FNDC3B: variants seen among roughly 807,000 people sequenced by gnomAD.
FNDC3B encodes the protein fibronectin type III domain containing 3B.
In FNDC3B, 12 loss-of-function variants were observed where a neutral mutation model predicts 151.5. The observed-to-expected ratio is 0.08, with a 90% CI of 0.05 to 0.13. The LOEUF (loss-of-function observed/expected upper bound fraction) is 0.13, where lower values mean the gene tolerates loss of function less well. FNDC3B is among the 10% of genes least tolerant of loss of function. The pLI, the probability that FNDC3B is intolerant of heterozygous loss-of-function variation, is 1.00. For synonymous variants in FNDC3B, 528 were observed against 549.0 expected (o/e 0.96, Z 0.54); for missense variants, 1,214 against 1,505.3 (o/e 0.81, Z 3.20).
intron 1 of FNDC3B, among the ~76,000 whole-genome samples, chr3:172,081,425 G>GT (rs1195162332): frequency 6.6e-6 from 1 of 151,728 alleles, no homozygotes; most frequent in African/African-American, 2.4e-5. Context: ...CTAATATTGT[G>GT]ATTTTCCATA....
At chr3:172,087,862 G>A (rs886721212) in intron 1 of FNDC3B, among the ~76,000 whole-genome samples, 3 of 152,118 alleles carry the variant, frequency 2.0e-5, no homozygotes, top group African/African-American at 7.2e-5. Flanking sequence ...GAATTTGAGA[G>A]CCCTAGCTCT....
chr3:172,244,643 G>A (rs532062389), intron 4 of FNDC3B, among the ~76,000 whole-genome samples: 66 of 21,630 alleles, frequency 3.1e-3, no homozygotes, highest in African/African-American at 1.0e-2. Flanking sequence ...TTTTTTTTTT[G>A]AGTCGGCGTC....
At chr3:172,225,781 C>T in intron 3 of FNDC3B, 1 of 185,702 alleles carries the variant, frequency 5.4e-6, no homozygotes, top group Non-Finnish European at 1.2e-5. Flanking sequence ...CTTCTTTATT[C>T]TGGATCTTGG....
chr3:172,250,127 G>A (rs1170060271), intron 5 of FNDC3B, among the ~76,000 whole-genome samples: 2 of 151,990 alleles, frequency 1.3e-5, no homozygotes, highest in Non-Finnish European at 2.9e-5. Context: ...AAATAATTTT[G>A]AACTGATTTA....
intron 3 of FNDC3B, among the ~76,000 whole-genome samples, chr3:172,197,453 A>C (rs1724897681): frequency 6.6e-6 from 1 of 152,212 alleles, no homozygotes. Flanking sequence ...GCATAACTAC[A>C]ATACAACCAT....
Position 172,333,175 on chromosome 3 carries a change from G to A in FNDC3B, c.1641G>A (p.Arg547=), listed in dbSNP as rs746752408. The change falls in exon 14 of 26, where the codon AGG becomes AGA. Residue 547 remains arginine, a splice_region_variant and synonymous_variant. Coordinates refer to ENST00000415807, the MANE Select transcript of FNDC3B (RefSeq NM_022763.4). ...NLKRSTQYKF[R]LTASNTEGKS... The stretch of plus-strand genomic sequence containing the variant: ...AAAGAAGCACACAGTATAAATTCAG[G>A]GTGAGTCAGTCATTTTGCTACCTGA... The A allele has an allele frequency of 6.3e-7, 1 of 1,587,342 alleles. No homozygotes were observed. The highest frequency in any genetic ancestry group is 1.7e-5 in the Admixed American group (1 of 59,932).
chr3:172,327,745 G>T (rs1472085016), intron 11 of FNDC3B, among the ~76,000 whole-genome samples: 1 of 152,226 alleles, frequency 6.6e-6, no homozygotes, highest in African/African-American at 2.4e-5. Flanking sequence ...CAACAGTCAG[G>T]CTAGTGGTGT....
chr3:172,211,081 C>T (rs925486537), intron 3 of FNDC3B, among the ~76,000 whole-genome samples: 1 of 152,142 alleles, frequency 6.6e-6, no homozygotes, highest in East Asian at 1.9e-4. Flanking sequence ...TTTATGATTT[C>T]ATATGACAAT....
intron 1 of FNDC3B, among the ~76,000 whole-genome samples, chr3:172,095,221 TAATAAA>T (rs1348921266): frequency 1.3e-5 from 2 of 152,152 alleles, no homozygotes; most frequent in African/African-American, 4.8e-5. Flanking sequence ...GGATATAGTG[TAATAAA>T]AAAATACCAA....
intron 7 of FNDC3B, among the ~76,000 whole-genome samples, chr3:172,289,132 G>T (rs1030794100): frequency 7.9e-5 from 12 of 152,152 alleles, no homozygotes; most frequent in African/African-American, 2.7e-4. Flanking sequence ...CAAGGTGTTG[G>T]CAGGGCTATA....
At chr3:172,157,668 T>G (rs920908559) in intron 3 of FNDC3B, among the ~76,000 whole-genome samples, 1 of 152,232 alleles carries the variant, frequency 6.6e-6, no homozygotes, top group Admixed American at 6.5e-5. Flanking sequence ...TGAGATTGGC[T>G]GTTTTCTCAG....
chr3:172,181,438 T>C (rs1210118586), intron 3 of FNDC3B, among the ~76,000 whole-genome samples: 1 of 149,766 alleles, frequency 6.7e-6, no homozygotes, highest in Non-Finnish European at 1.5e-5. Flanking sequence ...CTTTAGAATT[T>C]ACTGTCTTGT....
chr3:172,367,361 A>C (rs942619467), intron 23 of FNDC3B, among the ~76,000 whole-genome samples: 1 of 152,056 alleles, frequency 6.6e-6, no homozygotes, highest in East Asian at 1.9e-4. Flanking sequence ...GCTAAGGGAG[A>C]TAAATTAACA....
At chr3:172,228,448 C>A (rs1017710209) in intron 4 of FNDC3B, among the ~76,000 whole-genome samples, 8 of 152,186 alleles carry the variant, frequency 5.3e-5, no homozygotes, top group Admixed American at 5.2e-4. Context: ...TTGAACATTT[C>A]TAACGGAGAG....
chr3:172,357,541 G>T (rs1194150628), intron 22 of FNDC3B, among the ~76,000 whole-genome samples: 1 of 152,008 alleles, frequency 6.6e-6, no homozygotes, highest in African/African-American at 2.4e-5. Flanking sequence ...TGTTTGTTTT[G>T]CCCATTAGTC....
At chr3:172,096,259 G>A (rs1310040194) in intron 1 of FNDC3B, among the ~76,000 whole-genome samples, 1 of 152,182 alleles carries the variant, frequency 6.6e-6, no homozygotes, top group East Asian at 1.9e-4. Context: ...GCTCTCAGAA[G>A]ATAGAAAATG....
At chr3:172,126,259 G>A (rs1720805883) in intron 2 of FNDC3B, among the ~76,000 whole-genome samples, 3 of 152,158 alleles carry the variant, frequency 2.0e-5, no homozygotes, top group South Asian at 2.1e-4. Flanking sequence ...GAGGGTGTGC[G>A]GGAGGAGGGG....
chr3:172,277,188 AAAATGTT>A (rs1729476192), intron 6 of FNDC3B, among the ~76,000 whole-genome samples: 2 of 152,356 alleles, frequency 1.3e-5, no homozygotes, highest in South Asian at 4.1e-4. Context: ...CAAATGTAGC[AAAATGTT>A]AATAAGTTGA....
chr3:172,049,196 C>G (rs1337604670), intron 1 of FNDC3B, among the ~76,000 whole-genome samples: 1 of 152,278 alleles, frequency 6.6e-6, no homozygotes, highest in Non-Finnish European at 1.5e-5. Flanking sequence ...TTTACTCCCC[C>G]TTGGTCTGCT....
Sources: allele counts gnomAD v4.1 joint callset (sites outside exome capture counted in the v4.1 genomes callset), GRCh38; gene constraint gnomAD v4.1.1; transcripts MANE v1.5; gene names NCBI Gene and HGNC (gene_info 2026-07-23, HGNC 2026-07-21).